Variants in SH3RF3 observed in about 807,000 individuals in gnomAD.
SH3RF3 encodes the protein E3 ubiquitin-protein ligase SH3RF3.
SH3RF3 carries 29 observed loss-of-function variants against 66.3 expected under a neutral mutation model. The observed-to-expected ratio is 0.44, with a 90% CI of 0.33 to 0.60. The LOEUF is 0.60. Among genes scored for constraint, SH3RF3 ranks in the 20% least tolerant of loss-of-function variants. The pLI is 0.04. For missense variants in SH3RF3, 1,194 were observed against 1,190.9 expected (o/e 1.00, Z -0.04); for synonymous variants, 583 against 532.0 (o/e 1.10, Z -1.32).
chr2:109,139,817 CTT>C (rs1676898727), intron 1 of SH3RF3, among the ~76,000 whole-genome samples: 2 of 152,220 alleles, frequency 1.3e-5, no homozygotes, highest in Non-Finnish European at 2.9e-5. Flanking sequence ...TCAATCACCT[CTT>C]TGCCAAAGAC....
intron 1 of SH3RF3, among the ~76,000 whole-genome samples, chr2:109,250,974 GC>G (rs1680076369): frequency 6.6e-6 from 1 of 151,566 alleles, no homozygotes; most frequent in African/African-American, 2.4e-5. Flanking sequence ...ATTCTGTATA[GC>G]TTTTTTTTTC....
At chr2:109,496,318 G>A (rs541878949) in intron 9 of SH3RF3, among the ~76,000 whole-genome samples, 1 of 152,136 alleles carries the variant, frequency 6.6e-6, no homozygotes, top group Admixed American at 6.5e-5. Flanking sequence ...AGTGCTGATT[G>A]GTGCATTTTA....
intron 1 of SH3RF3, among the ~76,000 whole-genome samples, chr2:109,171,592 C>T (rs547489953): frequency 1.5e-4 from 23 of 152,362 alleles, no homozygotes; most frequent in African/African-American, 5.3e-4. Context: ...ATTTCCTTCT[C>T]GCCGCCCCTG....
chr2:109,286,993 G>T (rs1450825089), intron 1 of SH3RF3, among the ~76,000 whole-genome samples: 1 of 152,196 alleles, frequency 6.6e-6, no homozygotes, highest in African/African-American at 2.4e-5. Context: ...ACTGAAATGG[G>T]ACGTGCAACT....
rs552292233 is a variant in SH3RF3, at chr2:109,155,023, A to G, written c.573+24910A>G. On this transcript the variant is annotated intron_variant, in intron 1 of 9. Transcript: ENST00000309415. ...GAGTCATTTTTCTGTTGGGTTCATA[A>G]AATAGAGTGGAGTGTGTTCTGGTGT... Among the ~76,000 whole-genome samples, 56 of 152,270 alleles carry G rather than the reference A, an allele frequency of 3.7e-4. 2 individuals carry two copies. The South Asian group carries it at 0.011, about 29-fold the overall frequency.
chr2:109,200,577 C>T (rs1184460857), intron 1 of SH3RF3, among the ~76,000 whole-genome samples: 1 of 152,182 alleles, frequency 6.6e-6, no homozygotes, highest in African/African-American at 2.4e-5. Context: ...CTTCTAGGCA[C>T]CGCCGACCTT....
At chr2:109,466,220 C>G (rs1448416541) in intron 8 of SH3RF3, among the ~76,000 whole-genome samples, 1 of 151,614 alleles carries the variant, frequency 6.6e-6, no homozygotes, top group Non-Finnish European at 1.5e-5. Context: ...GTAGCTGGGA[C>G]TACAGGCGCG....
intron 5 of SH3RF3, among the ~76,000 whole-genome samples, chr2:109,420,090 C>T (rs1676831546): frequency 6.6e-6 from 1 of 152,222 alleles, no homozygotes; most frequent in South Asian, 2.1e-4. Flanking sequence ...GCCACACCAG[C>T]GCATGCCAGC....
rs187213568 is a variant in SH3RF3, at chr2:109,197,332, G to T, written c.573+67219G>T. Among the ~76,000 whole-genome samples, 340 of 152,244 alleles carry T rather than the reference G, an allele frequency of 2.2e-3. 2 individuals are homozygous for T. Among genetic ancestry groups the T allele is most frequent in the African/African-American group, 7.6e-3 (316 of 41,542 alleles). ...TGCTGTTCTGCCTGACACAGGAGGG[G>T]TTAAGAAGGGAAGGGAAGGGCCAGA... On this transcript the variant is annotated intron_variant, in intron 1 of 9. Transcript: ENST00000309415.
rs747986202 is a variant in SH3RF3 at position 109,502,397 on chromosome 2, A to G, written c.*726A>G. Reference sequence around the variant, plus strand: ...AGGTCAGACATTGCCTATTTTTCATACATCTGGTGCTGCCTTTTTGTAAAA... The same window carrying G: ...AGGTCAGACATTGCCTATTTTTCATGCATCTGGTGCTGCCTTTTTGTAAAA... On this transcript the variant is annotated 3_prime_UTR_variant, in exon 10 of 10. Coordinates refer to ENST00000309415, the MANE Select transcript of SH3RF3 (RefSeq NM_001099289.3). 2.6e-5 allele frequency: 4 copies of G among 152,188 alleles called. No individual in the cohort carries two copies. Among genetic ancestry groups the G allele is most frequent in the Non-Finnish European group, 5.9e-5 (4 of 68,038 alleles). The allele number at this position is 152,188 out of a possible 1,614,324, so 9.4% of individuals were successfully genotyped here.
chr2:109,247,638 C>T (rs192868451), intron 1 of SH3RF3, among the ~76,000 whole-genome samples: 103 of 152,320 alleles, frequency 6.8e-4, no homozygotes, highest in Non-Finnish European at 1.1e-3. Flanking sequence ...TCACAGTTGA[C>T]GGACTGGCTG....
At chr2:109,235,641 T>G (rs1421378198) in intron 1 of SH3RF3, among the ~76,000 whole-genome samples, 2 of 152,206 alleles carry the variant, frequency 1.3e-5, no homozygotes, top group Non-Finnish European at 2.9e-5. Flanking sequence ...TTTTGCTGTT[T>G]TTTGGTGTCA....
At chr2:109,365,663 G>A (rs1683140084) in intron 2 of SH3RF3, among the ~76,000 whole-genome samples, 1 of 152,126 alleles carries the variant, frequency 6.6e-6, no homozygotes, top group Non-Finnish European at 1.5e-5. Context: ...TGTGGCGGTT[G>A]TATTTAACTA....
chr2:109,409,199 C>G (rs925213462), intron 4 of SH3RF3, among the ~76,000 whole-genome samples: 1 of 152,210 alleles, frequency 6.6e-6, no homozygotes, highest in East Asian at 1.9e-4. Flanking sequence ...TCACAACTTT[C>G]ACTTTTTGGT....
chr2:109,228,301 G>C (rs1204375155), intron 1 of SH3RF3, among the ~76,000 whole-genome samples: 2 of 152,184 alleles, frequency 1.3e-5, no homozygotes, highest in African/African-American at 4.8e-5. Flanking sequence ...TTAATGAGCA[G>C]GTGCAATAAA....
chr2:109,241,633 A>G (rs1679784670), intron 1 of SH3RF3, among the ~76,000 whole-genome samples: 1 of 150,420 alleles, frequency 6.6e-6, no homozygotes, highest in Non-Finnish European at 1.5e-5. Context: ...GGCCCCTGGG[A>G]CTCTCTGTCT....
intron 1 of SH3RF3, among the ~76,000 whole-genome samples, chr2:109,200,175 T>G (rs1409503458): frequency 6.6e-6 from 1 of 152,128 alleles, no homozygotes; most frequent in Non-Finnish European, 1.5e-5. Context: ...ATATTTCTAG[T>G]TTACAAGAGA....
At chr2:109,390,085 C>T (rs1675942720) in intron 3 of SH3RF3, among the ~76,000 whole-genome samples, 1 of 152,188 alleles carries the variant, frequency 6.6e-6, no homozygotes, top group African/African-American at 2.4e-5. Flanking sequence ...CGGAGGGACT[C>T]GCCCAGGATT....
At chr2:109,322,499 T>A (rs1473251326) in intron 1 of SH3RF3, among the ~76,000 whole-genome samples, 1 of 152,202 alleles carries the variant, frequency 6.6e-6, no homozygotes, top group African/African-American at 2.4e-5. Flanking sequence ...AAGCTGAAAT[T>A]TCTAAATAAG....
Sources: allele counts gnomAD v4.1 joint callset (sites outside exome capture counted in the v4.1 genomes callset), GRCh38; gene constraint gnomAD v4.1.1; transcripts MANE v1.5; gene names NCBI Gene and HGNC (gene_info 2026-07-23, HGNC 2026-07-21).